The following CELF2 variants were observed in gnomAD, a reference collection of about 807,000 sequenced individuals.
The protein encoded by CELF2 is CUG triplet repeat RNA-binding protein 2.
Under a neutral mutation model 62.6 loss-of-function variants are expected in CELF2, and 8 were observed. The observed-to-expected ratio is 0.13, with a 90% CI of 0.07 to 0.23. CELF2 has a LOEUF of 0.23. Ranked by LOEUF, CELF2 falls within the 10% of genes least tolerant of loss-of-function variation. CELF2 has a pLI of 1.00. For synonymous variants in CELF2, 258 were observed against 250.0 expected (o/e 1.03, Z -0.30); for missense variants, 333 against 671.0 (o/e 0.50, Z 5.56).
At chr10:11,326,476 G>A (rs916501351) in intron 12 of CELF2, among the ~76,000 whole-genome samples, 10 of 152,356 alleles carry the variant, frequency 6.6e-5, no homozygotes, top group Middle Eastern at 3.4e-3. Flanking sequence ...GATGAGATCT[G>A]AAGGGCCACC....
chr10:10,917,527 G>A (rs1337499390), intron 1 of CELF2, among the ~76,000 whole-genome samples: 1 of 151,920 alleles, frequency 6.6e-6, no homozygotes, highest in Non-Finnish European at 1.5e-5. Flanking sequence ...GTTTAGTAGA[G>A]ACAGGGTCTC....
At chr10:10,927,974 G>A (rs2065701825) in intron 2 of CELF2, among the ~76,000 whole-genome samples, 1 of 151,996 alleles carries the variant, frequency 6.6e-6, no homozygotes, top group South Asian at 2.1e-4. Flanking sequence ...GGTTCCAAGG[G>A]CTGCTTTCAT....
At chr10:10,804,680 T>A (rs943621604) in intron 1 of CELF2, among the ~76,000 whole-genome samples, 10 of 152,364 alleles carry the variant, frequency 6.6e-5, no homozygotes, top group African/African-American at 2.4e-4. Context: ...TGTTCCCTTA[T>A]GGAGTGTGTG....
At chr10:10,611,643 C>G in the CELF2 span, among the ~76,000 whole-genome samples, 1 of 152,180 alleles carries the variant, frequency 6.6e-6, no homozygotes, top group Non-Finnish European at 1.5e-5. Flanking sequence ...CTGTCCTTGT[C>G]TAACTTGATT....
At chr10:10,886,644 C>T (rs1050295287) in intron 1 of CELF2, among the ~76,000 whole-genome samples, 1 of 152,094 alleles carries the variant, frequency 6.6e-6, no homozygotes, top group African/African-American at 2.4e-5. Context: ...CAAGGCCAGC[C>T]TAGGCAATAC....
rs563347549 is a variant in CELF2, at chr10:11,183,424, T to G, written c.271+17742T>G. On this transcript the variant is annotated intron_variant, in intron 2 of 12. Transcript: ENST00000633077. The stretch of plus-strand genomic sequence containing the variant: ...CTGGGAACATCCATGTACAAGTATT[T>G]GTAAAGACAAGTGCTTTTGTCGCTC... Among the ~76,000 whole-genome samples the G allele has an allele frequency of 2.0e-4, 31 of 152,368 alleles. 1 individual carries two copies. The highest frequency in any genetic ancestry group is 5.3e-4 in the African/African-American group (22 of 41,592).
the CELF2 span, among the ~76,000 whole-genome samples, chr10:10,464,125 G>A: frequency 6.6e-6 from 1 of 152,084 alleles, no homozygotes; most frequent in African/African-American, 2.4e-5. Context: ...CCGCCCCTGG[G>A]TCCTCACCGG....
At position 11,284,888 on chromosome 10, in the gene CELF2, GTGGGTGGA is replaced by G. The variant is rs374412991; in HGVS notation, c.842-3518_842-3511del. On this transcript the variant is annotated intron_variant, in intron 8 of 12. Coordinates refer to ENST00000633077, the MANE Select transcript of CELF2 (RefSeq NM_001326342.2). ...GATGGATGGATAGTTGGGTAGATGT[GTGGGTGGA>G]TGGGTGGATGGTTGGATGGTGGTTA... Among the ~76,000 whole-genome samples the G allele has an allele frequency of 1.3e-3, 192 of 151,276 alleles. 1 individual carries two copies. Among genetic ancestry groups the G allele is most frequent in the African/African-American group, 4.3e-3 (176 of 41,130 alleles).
the CELF2 span, among the ~76,000 whole-genome samples, chr10:10,498,114 G>A: frequency 9.5e-4 from 145 of 152,258 alleles, no homozygotes; most frequent in African/African-American, 3.3e-3. Flanking sequence ...AGAAAGAAGA[G>A]TCAAGGACTA....
chr10:10,970,660 T>C (rs781605717), intron 2 of CELF2: 9 of 152,222 alleles, frequency 5.9e-5, no homozygotes, highest in Non-Finnish European at 1.2e-4. Flanking sequence ...TAATCACTGA[T>C]AACAATTCTC....
chr10:10,647,076 T>G, the CELF2 span, among the ~76,000 whole-genome samples: 2 of 152,196 alleles, frequency 1.3e-5, no homozygotes, highest in Admixed American at 1.3e-4. Context: ...TTCCTTGGAC[T>G]TAATTCTGAT....
At chr10:10,812,679 G>A (rs1245432676) in intron 1 of CELF2, among the ~76,000 whole-genome samples, 1 of 152,174 alleles carries the variant, frequency 6.6e-6, no homozygotes, top group African/African-American at 2.4e-5. Flanking sequence ...CTCCCTGGCT[G>A]TCCACCCTCA....
intron 1 of CELF2, among the ~76,000 whole-genome samples, chr10:11,025,205 A>ATG (rs1410407147): frequency 2.4e-5 from 3 of 122,922 alleles, no homozygotes; most frequent in African/African-American, 6.3e-5. Flanking sequence ...GTATATACAT[A>ATG]TATGTGTGTG....
the CELF2 span, among the ~76,000 whole-genome samples, chr10:10,507,845 T>A: frequency 6.6e-6 from 1 of 152,208 alleles, no homozygotes; most frequent in African/African-American, 2.4e-5. Context: ...TTCTAAGTGA[T>A]CAGATGTGAT....
intron 2 of CELF2, among the ~76,000 whole-genome samples, chr10:10,962,869 A>G (rs901256492): frequency 6.6e-6 from 1 of 152,208 alleles, no homozygotes; most frequent in Admixed American, 6.5e-5. Flanking sequence ...TGCTGAAGTC[A>G]ATTCCATTTT....
At chr10:10,729,776 CA>C in the CELF2 span, among the ~76,000 whole-genome samples, 229 of 142,532 alleles carry the variant, frequency 1.6e-3, 1 homozygote, top group African/African-American at 3.7e-3. Context: ...GAGATTGTCT[CA>C]AAAAAAAAAA....
At chr10:10,598,757 T>C in the CELF2 span, among the ~76,000 whole-genome samples, 43 of 125,758 alleles carry the variant, frequency 3.4e-4, no homozygotes, top group African/African-American at 1.2e-3. Flanking sequence ...CTTTCTTTTT[T>C]TTTTTTTTTT....
At chr10:10,880,189 A>G (rs1348035984) in intron 1 of CELF2, among the ~76,000 whole-genome samples, 1 of 152,186 alleles carries the variant, frequency 6.6e-6, no homozygotes, top group African/African-American at 2.4e-5. Flanking sequence ...TTTCTTGACA[A>G]AAGATTGGTT....
At chr10:11,301,561 C>T (rs186223184) in intron 9 of CELF2, among the ~76,000 whole-genome samples, 101 of 140,082 alleles carry the variant, frequency 7.2e-4, no homozygotes, top group African/African-American at 2.4e-3. Flanking sequence ...ACTCCCGTTC[C>T]AGTGAGGGGA....
Sources: allele counts gnomAD v4.1 joint callset (sites outside exome capture counted in the v4.1 genomes callset), GRCh38; gene constraint gnomAD v4.1.1; transcripts MANE v1.5; gene names NCBI Gene and HGNC (gene_info 2026-07-23, HGNC 2026-07-21).